The following CEP350 variants were observed in gnomAD, a reference collection of about 807,000 sequenced individuals.
The protein encoded by CEP350 is centrosome-associated protein 350.
Under a neutral mutation model 331.8 loss-of-function variants are expected in CEP350, and 126 were observed. The ratio of observed to expected loss-of-function variants is 0.38; its 90% CI spans 0.33 to 0.44. The LOEUF is 0.44. Among genes scored for constraint, CEP350 ranks in the 20% least tolerant of loss-of-function variants. The pLI is 1.00. For synonymous variants in CEP350, 1,200 were observed against 1,259.5 expected (o/e 0.95, Z 1.00); for missense variants, 3,406 against 3,634.6 (o/e 0.94, Z 1.62).
chr1:180,105,060 C>T (rs1661068748), intron 37 of CEP350, among the ~76,000 whole-genome samples: 1 of 151,968 alleles, frequency 6.6e-6, no homozygotes, highest in African/African-American at 2.4e-5. Flanking sequence ...CCTAATCTGT[C>T]TTTCATGAAA....
chr1:180,075,959 GA>G (rs149928975), intron 28 of CEP350, among the ~76,000 whole-genome samples: 12,664 of 145,786 alleles, frequency 0.087, 701 homozygotes, highest in Non-Finnish European at 0.12. Context: ...GTATCTCAAG[GA>G]AAAAAAAAAA....
chr1:179,959,962 A>G (rs909363187), intron 1 of CEP350, among the ~76,000 whole-genome samples: 1 of 152,160 alleles, frequency 6.6e-6, no homozygotes, highest in Non-Finnish European at 1.5e-5. Flanking sequence ...AATGTTGTCC[A>G]TAAGTACTTG....
intron 27 of CEP350, among the ~76,000 whole-genome samples, chr1:180,073,202 T>TA (rs1329592243): frequency 6.6e-6 from 1 of 152,184 alleles, no homozygotes; most frequent in Non-Finnish European, 1.5e-5. Context: ...CTTTGTTAGA[T>TA]ATAAAGCAAG....
chr1:180,020,389 C>T lies in CEP350; in HGVS notation c.2615C>T (p.Pro872Leu). 1 of 1,613,806 alleles carries T rather than the reference C, an allele frequency of 6.2e-7. No homozygotes were observed. Among genetic ancestry groups the T allele is most frequent in the Non-Finnish European group, 8.5e-7 (1 of 1,179,894 alleles). Residue 872 changes from proline (P) to leucine (L), a missense_variant, in exon 12 of 38, where the codon CCT becomes CTT. Transcript: ENST00000367607. ...DVQQAPQEDGPWTKAVTPPVK... is the reference protein window; with the variant it reads ...DVQQAPQEDGLWTKAVTPPVK... ...CAGCAGGCACCTCAAGAAGATGGAC[C>T]TTGGACCAAGGCTGTAACTCCACCT... is the stretch of plus-strand genomic sequence containing the variant.
At chr1:180,045,520 C>A (rs1358701629) in intron 21 of CEP350, among the ~76,000 whole-genome samples, 1 of 152,098 alleles carries the variant, frequency 6.6e-6, no homozygotes, top group African/African-American at 2.4e-5. Flanking sequence ...AAAATTAAAT[C>A]ATGAAACTAA....
chr1:180,045,519 TCA>T (rs1657064020), intron 21 of CEP350, among the ~76,000 whole-genome samples: 2 of 152,148 alleles, frequency 1.3e-5, no homozygotes, highest in South Asian at 4.1e-4. Flanking sequence ...AAAAATTAAA[TCA>T]TGAAACTAAA....
rs181205025 is a variant in CEP350, at chr1:180,075,368, C to T, written c.5767+147C>T. The T allele has an allele frequency of 6.2e-6, 5 of 808,280 alleles. No individual in the cohort carries two copies. The Admixed American group carries it at 1.5e-4, about 25-fold the overall frequency. 50.1% of individuals were successfully genotyped at this position (808,280 alleles called of 1,614,324 possible). On this transcript the variant is annotated intron_variant, in intron 28 of 37. Coordinates refer to ENST00000367607, the MANE Select transcript of CEP350 (RefSeq NM_014810.5). ...TTGGAAGGCCAAGGCCAGAGGATCG[C>T]CTGAGGCCAGGAGTTCAAGACCAGC...
chr1:180,050,816 A>G (rs962170034), intron 22 of CEP350, among the ~76,000 whole-genome samples: 4 of 152,236 alleles, frequency 2.6e-5, no homozygotes, highest in African/African-American at 4.8e-5. Context: ...TCAACATCGT[A>G]TATCATTAGA....
At chr1:179,961,735 C>T (rs115239376) in intron 1 of CEP350, among the ~76,000 whole-genome samples, 213 of 152,230 alleles carry the variant, frequency 1.4e-3, no homozygotes, top group African/African-American at 5.0e-3. Flanking sequence ...CGTGCAGGTT[C>T]GTTACATGGG....
intron 16 of CEP350, among the ~76,000 whole-genome samples, chr1:180,035,682 G>T (rs781073650): frequency 1.3e-5 from 2 of 151,982 alleles, no homozygotes; most frequent in Non-Finnish European, 2.9e-5. Context: ...AAAAATAAAA[G>T]ATTTTTTTCA....
intron 21 of CEP350, 128 bp from the exon 22 acceptor site, chr1:180,048,408 A>G: frequency 6.4e-6 from 4 of 627,280 alleles, no homozygotes; most frequent in Non-Finnish European, 8.3e-6. Context: ...TTTCTGTTTT[A>G]TATTACATCT....
intron 1 of CEP350, among the ~76,000 whole-genome samples, chr1:179,965,615 C>CTTTTTT (rs747027286): frequency 0.034 from 2,822 of 83,740 alleles, 10 homozygotes; most frequent in Non-Finnish European, 0.043. Context: ...TTTTTCTTTT[C>CTTTTTT]TTTTTTTTTT....
At position 180,031,479 on chromosome 1, in the gene CEP350, C is replaced by G. The variant is rs760323768; in HGVS notation, c.3710C>G (p.Ser1237Cys). 1 of 1,480,084 alleles carries G rather than the reference C, an allele frequency of 6.8e-7. No individual in the cohort carries two copies. Among genetic ancestry groups the G allele is most frequent in the Non-Finnish European group, 9.0e-7 (1 of 1,108,130 alleles). 91.7% of individuals were successfully genotyped at this position (1,480,084 alleles called of 1,614,324 possible). The change falls in exon 15 of 38, where the codon TCT becomes TGT. Residue 1237 changes from serine to cysteine, a missense_variant. Physicochemically the swap from Ser to Cys is moderately radical, Grantham distance 112. Coordinates refer to ENST00000367607, the MANE Select transcript of CEP350 (RefSeq NM_014810.5). The stretch of plus-strand genomic sequence containing the variant: ...ACAGATAGCACTTTGGAGGATCTTT[C>G]TGGACATTCTGTGAGGTAATGTATA... ...LDTDSTLEDL[S>C]GHSVSVSSDK...
intron 7 of CEP350, among the ~76,000 whole-genome samples, chr1:180,006,002 C>T (rs1654232563): frequency 6.6e-6 from 1 of 151,948 alleles, no homozygotes; most frequent in Admixed American, 6.6e-5. Flanking sequence ...TATAAAATAC[C>T]TTGACATGTT....
chr1:180,019,022 A>G (rs1319102312), intron 11 of CEP350, among the ~76,000 whole-genome samples: 2 of 151,814 alleles, frequency 1.3e-5, no homozygotes, highest in African/African-American at 4.8e-5. Flanking sequence ...TGCCCACCTA[A>G]TTTTTTGGTA....
At chr1:179,973,858 G>T (rs553818683) in intron 1 of CEP350, among the ~76,000 whole-genome samples, 5 of 150,594 alleles carry the variant, frequency 3.3e-5, no homozygotes, top group African/African-American at 9.8e-5. Context: ...ATTTACTGCC[G>T]TAGTGATAAA....
chr1:180,099,779 G>GTT (rs1660692098), intron 37 of CEP350, among the ~76,000 whole-genome samples: 1 of 116,508 alleles, frequency 8.6e-6, no homozygotes, highest in African/African-American at 3.1e-5. Context: ...TGCCTTATTT[G>GTT]ATTTTTTTTT....
chr1:180,110,873 T>C (rs1239940860), intron 37 of CEP350, 124 bp from the exon 38 acceptor site: 2 of 830,154 alleles, frequency 2.4e-6, no homozygotes, highest in Non-Finnish European at 3.7e-6. Flanking sequence ...ATATGAATTA[T>C]CTTTTTTCTC....
intron 1 of CEP350, among the ~76,000 whole-genome samples, chr1:179,974,825 T>TA (rs1429372829): frequency 1.3e-5 from 2 of 151,852 alleles, no homozygotes; most frequent in Non-Finnish European, 2.9e-5. Flanking sequence ...ATCTGTCTCT[T>TA]AAAAAAATAA....
Sources: allele counts gnomAD v4.1 joint callset (sites outside exome capture counted in the v4.1 genomes callset), GRCh38; gene constraint gnomAD v4.1.1; transcripts MANE v1.5; gene names NCBI Gene and HGNC (gene_info 2026-07-23, HGNC 2026-07-21).